The following TOM1L2 variants were observed in gnomAD, a reference collection of about 807,000 sequenced individuals.
TOM1L2 encodes TOM1-like protein 2.
In TOM1L2, 31 loss-of-function variants were observed where a neutral mutation model predicts 67.9. That is an observed-to-expected ratio of 0.46 (90% CI 0.34 to 0.62). TOM1L2 has a LOEUF of 0.62. TOM1L2 is among the 20% of genes least tolerant of loss of function. The probability of loss-of-function intolerance (pLI) is 0.01; values close to 1 mark genes in which losing one functional copy is unlikely to be tolerated. For missense variants in TOM1L2, 606 were observed against 663.5 expected, an observed-to-expected ratio of 0.91 and a Z score of 0.95; for synonymous variants, 256 against 254.0, an observed-to-expected ratio of 1.01 and a Z score of -0.07.
At chr17:17,896,060 A>G (rs1458427419) in intron 3 of TOM1L2, among the ~76,000 whole-genome samples, 1 of 152,152 alleles carries the variant, frequency 6.6e-6, no homozygotes, top group African/African-American at 2.4e-5. Context: ...TACTAAGCCA[A>G]GGAGGCATTT....
chr17:17,860,998 G>T (rs751345435), intron 12 of TOM1L2, among the ~76,000 whole-genome samples: 11 of 152,176 alleles, frequency 7.2e-5, no homozygotes, highest in Non-Finnish European at 8.8e-5. Context: ...AGTGACAAAT[G>T]GCCATCAGAG....
chr17:17,895,121 A>G (rs1395246249), intron 3 of TOM1L2, among the ~76,000 whole-genome samples: 1 of 152,190 alleles, frequency 6.6e-6, no homozygotes, highest in Non-Finnish European at 1.5e-5. Context: ...TTATCCTCCC[A>G]TAGGACAGGT....
chr17:17,885,726 C>T (rs939598737), intron 4 of TOM1L2, among the ~76,000 whole-genome samples: 1 of 151,888 alleles, frequency 6.6e-6, no homozygotes, highest in African/African-American at 2.4e-5. Context: ...AGATCAAGAC[C>T]ATCCTGGCTA....
In TOM1L2 at chr17:17,898,626, C is replaced by A; in HGVS notation, c.186G>T (p.Arg62=). ...RALKKRLNGN[R]NYREVMLALT... ...ATGCCAGCATCACCTCTCTGTAGTT[C>A]CGGTTCCCGTTGAGCCGCTTCTTCA... is the stretch of plus-strand genomic sequence containing the variant. The change falls in exon 3 of 15, where the codon CGG becomes CGT. Residue 62 remains arginine, a synonymous_variant. Coordinates refer to ENST00000379504, the MANE Select transcript of TOM1L2 (RefSeq NM_001082968.2). 6.2e-7 allele frequency: 1 copy of A among 1,614,220 alleles called. No homozygotes were observed. Among genetic ancestry groups the A allele is most frequent in the Non-Finnish European group, 8.5e-7 (1 of 1,180,040 alleles).
At chr17:17,935,702 A>G (rs1044430566) in intron 1 of TOM1L2, among the ~76,000 whole-genome samples, 3 of 152,180 alleles carry the variant, frequency 2.0e-5, no homozygotes, top group African/African-American at 2.4e-5. Flanking sequence ...TACCATCTCT[A>G]AAGTCCACCA....
At chr17:17,902,096 A>C (rs778365117) in intron 2 of TOM1L2, among the ~76,000 whole-genome samples, 26 of 152,196 alleles carry the variant, frequency 1.7e-4, no homozygotes, top group Non-Finnish European at 3.5e-4. Flanking sequence ...GAATTGCTTG[A>C]GCCTGGGAGG....
chr17:17,896,678 A>G (rs1472807145), intron 3 of TOM1L2, among the ~76,000 whole-genome samples: 1 of 152,208 alleles, frequency 6.6e-6, no homozygotes, highest in East Asian at 1.9e-4. Context: ...TACAGTGGTA[A>G]TTTTCCAGAA....
chr17:17,920,962 C>T (rs1384273604), intron 1 of TOM1L2, among the ~76,000 whole-genome samples: 1 of 152,202 alleles, frequency 6.6e-6, no homozygotes, highest in Non-Finnish European at 1.5e-5. Context: ...CCACTGCACA[C>T]AGGCCAAAAC....
chr17:17,971,213 A>C (rs190002405), intron 1 of TOM1L2, among the ~76,000 whole-genome samples: 74 of 152,314 alleles, frequency 4.9e-4, no homozygotes, highest in African/African-American at 1.7e-3. Flanking sequence ...CAATGTGCAG[A>C]GTACTACAAA....
chr17:17,869,215 T>C, intron 8 of TOM1L2, 125 bp downstream of exon 8: 1 of 1,519,352 alleles, frequency 6.6e-7, no homozygotes, highest in Non-Finnish European at 8.8e-7. Flanking sequence ...GCATCTCTGA[T>C]GAGTATTTTC....
intron 7 of TOM1L2, among the ~76,000 whole-genome samples, chr17:17,872,535 G>A (rs1438931975): frequency 6.6e-6 from 1 of 152,234 alleles, no homozygotes; most frequent in East Asian, 1.9e-4. Context: ...TGTGCAGGAT[G>A]GAAAAGGGAG....
At chr17:17,905,320 T>G (rs1379593340) in intron 2 of TOM1L2, among the ~76,000 whole-genome samples, 1 of 152,198 alleles carries the variant, frequency 6.6e-6, no homozygotes, top group African/African-American at 2.4e-5. Flanking sequence ...AAAGATCTAC[T>G]GCTGATCTCT....
At chr17:17,869,157 T>C in intron 8 of TOM1L2, 183 bp downstream of exon 8, 1 of 1,171,902 alleles carries the variant, frequency 8.5e-7, no homozygotes, top group Non-Finnish European at 1.2e-6. Flanking sequence ...TGCTGCTCAG[T>C]TCCCAGGAGG....
intron 1 of TOM1L2, among the ~76,000 whole-genome samples, chr17:17,971,776 C>G (rs2042098478): frequency 6.6e-6 from 1 of 152,244 alleles, no homozygotes; most frequent in African/African-American, 2.4e-5. Context: ...AGGGCTGAGC[C>G]TTGATGGGCA....
chr17:17,877,702 G>A (rs990868189), intron 7 of TOM1L2, among the ~76,000 whole-genome samples: 2 of 152,110 alleles, frequency 1.3e-5, no homozygotes, highest in African/African-American at 4.8e-5. Context: ...CCTCCCACTG[G>A]CACCGAGAGT....
chr17:17,856,507 T>G (rs554211504), intron 12 of TOM1L2, among the ~76,000 whole-genome samples: 2 of 152,306 alleles, frequency 1.3e-5, no homozygotes, highest in East Asian at 3.9e-4. Context: ...TGGCCCAAGT[T>G]CCTACTCACT....
chr17:17,865,266 T>C (rs1047640448), intron 10 of TOM1L2, among the ~76,000 whole-genome samples: 15 of 152,248 alleles, frequency 9.9e-5, no homozygotes, highest in Admixed American at 4.6e-4. Flanking sequence ...TCTGTAGATA[T>C]TGACAATCAA....
rs572234198 is a variant in TOM1L2, at chr17:17,844,474, T to G, written c.*3161A>C. 6.6e-6 allele frequency: 1 copy of G among 152,262 alleles called. No individual in the cohort carries two copies. Among genetic ancestry groups the G allele is most frequent in the Non-Finnish European group, 1.5e-5 (1 of 68,086 alleles). 9.4% of individuals were successfully genotyped at this position (152,262 alleles called of 1,614,324 possible). On this transcript the variant is annotated 3_prime_UTR_variant, in exon 15 of 15. Coordinates refer to ENST00000379504, the MANE Select transcript of TOM1L2 (RefSeq NM_001082968.2). ...GGCTAGTGAACCAAGGCACCATCAC[T>G]CACATGGAGGCGCTAATAGAAAGAC...
At chr17:17,941,852 C>T (rs2040747471) in intron 1 of TOM1L2, among the ~76,000 whole-genome samples, 2 of 152,178 alleles carry the variant, frequency 1.3e-5, no homozygotes, top group Non-Finnish European at 2.9e-5. Context: ...AAGCCAGGCG[C>T]AGTGGCATGC....
Sources: allele counts gnomAD v4.1 joint callset (sites outside exome capture counted in the v4.1 genomes callset), GRCh38; gene constraint gnomAD v4.1.1; transcripts MANE v1.5; gene names NCBI Gene and HGNC (gene_info 2026-07-23, HGNC 2026-07-21).